Variants in FRAS1 observed in about 807,000 individuals in gnomAD.
FRAS1 encodes the protein Fraser extracellular matrix complex subunit 1.
Under a neutral mutation model 435.2 loss-of-function variants are expected in FRAS1, and 290 were observed. The observed-to-expected ratio is 0.67, with a 90% CI of 0.61 to 0.73. The LOEUF is 0.73. Ranked by LOEUF, FRAS1 falls within the 30% of genes least tolerant of loss-of-function variation. FRAS1 has a pLI of 0.00. For missense variants in FRAS1, 4,860 were observed against 5,001.5 expected, an observed-to-expected ratio of 0.97 and a Z score of 0.85; for synonymous variants, 1,800 against 1,851.0, an observed-to-expected ratio of 0.97 and a Z score of 0.71.
intron 67 of FRAS1, among the ~76,000 whole-genome samples, chr4:78,520,642 A>C (rs1026458548): frequency 6.6e-6 from 1 of 151,194 alleles, no homozygotes; most frequent in African/African-American, 2.4e-5. Flanking sequence ...TGCATATGCT[A>C]TATAAATAGT....
rs149879392 is a variant in FRAS1, at chr4:78,062,527, T to C, written c.77-3458T>C. Among the ~76,000 whole-genome samples, 234 of 152,294 alleles carry C rather than the reference T, an allele frequency of 1.5e-3. 1 individual carries two copies. The highest frequency in any genetic ancestry group is 5.3e-3 in the African/African-American group (221 of 41,554). ...ATGGTTGTATCTGCCACTATTTCTT[T>C]GAACTAATGGGTCTGACATTTTGTG... On this transcript the variant is annotated intron_variant, in intron 1 of 73. Transcript: ENST00000512123.
chr4:78,195,770 C>T (rs986413199), intron 2 of FRAS1, among the ~76,000 whole-genome samples: 28 of 152,204 alleles, frequency 1.8e-4, no homozygotes, highest in Non-Finnish European at 3.4e-4. Context: ...CAGTGCGCTG[C>T]ACCCACTGTC....
At chr4:78,452,000 G>A (rs1468388249) in intron 46 of FRAS1, 109 bp downstream of exon 46, 8 of 1,310,352 alleles carry the variant, frequency 6.1e-6, no homozygotes, top group Admixed American at 2.4e-5. Context: ...TACCTAGCTG[G>A]TGTGGAAACT....
intron 44 of FRAS1, among the ~76,000 whole-genome samples, chr4:78,449,806 A>C (rs1358470192): frequency 6.6e-6 from 1 of 152,222 alleles, no homozygotes; most frequent in African/African-American, 2.4e-5. Flanking sequence ...AGGTTTCATC[A>C]TAGATCTAGG....
intron 2 of FRAS1, among the ~76,000 whole-genome samples, chr4:78,136,404 G>A (rs976738695): frequency 1.3e-5 from 2 of 151,980 alleles, no homozygotes; most frequent in East Asian, 1.9e-4. Context: ...ATTAATTTGG[G>A]GCTTACAAAT....
intron 27 of FRAS1, among the ~76,000 whole-genome samples, chr4:78,383,429 A>G (rs866634708): frequency 3.2e-4 from 49 of 152,282 alleles, no homozygotes; most frequent in African/African-American, 1.1e-3. Context: ...CTTGTTCTAC[A>G]TAATAGACTC....
At chr4:78,101,789 G>A (rs545733127) in intron 2 of FRAS1, among the ~76,000 whole-genome samples, 4 of 152,282 alleles carry the variant, frequency 2.6e-5, no homozygotes, top group Admixed American at 6.5e-5. Context: ...ATTTTGACCT[G>A]ACATTCTGGC....
chr4:78,116,255 T>C (rs1035396668), intron 2 of FRAS1, among the ~76,000 whole-genome samples: 7 of 152,202 alleles, frequency 4.6e-5, no homozygotes, highest in Non-Finnish European at 1.0e-4. Context: ...TCCAACTATG[T>C]AGTCAATTTT....
chr4:78,317,211 GTTCT>G, intron 16 of FRAS1, among the ~76,000 whole-genome samples, 153 bp from the exon 17 acceptor site: 1 of 152,260 alleles, frequency 6.6e-6, no homozygotes, highest in African/African-American at 2.4e-5. Flanking sequence ...CATGTGGGCA[GTTCT>G]GGCAGTGTAA....
intron 54 of FRAS1, among the ~76,000 whole-genome samples, chr4:78,477,153 T>C (rs1417839175): frequency 6.6e-6 from 1 of 152,226 alleles, no homozygotes; most frequent in Non-Finnish European, 1.5e-5. Flanking sequence ...ACCTTGTTTA[T>C]AATGTAATTT....
At chr4:78,151,655 G>T (rs1038663924) in intron 2 of FRAS1, among the ~76,000 whole-genome samples, 1 of 152,130 alleles carries the variant, frequency 6.6e-6, no homozygotes, top group African/African-American at 2.4e-5. Flanking sequence ...CTCAGAATGT[G>T]CTATTATCTA....
intron 2 of FRAS1, among the ~76,000 whole-genome samples, chr4:78,202,164 G>A (rs928926565): frequency 3.9e-5 from 6 of 152,100 alleles, no homozygotes; most frequent in African/African-American, 1.2e-4. Flanking sequence ...ATAGTGTCAT[G>A]GTAGATTAAC....
rs2198635 is a variant in FRAS1, at chr4:78,267,007, G to A, written c.789+72G>A. 0.34 allele frequency: 364,047 copies of A among 1,062,204 alleles called. 63,241 individuals are homozygous for A. The highest frequency in any genetic ancestry group is 0.39 in the Admixed American group (16,901 of 42,862). The allele number at this position is 1,062,204 out of a possible 1,614,324, so 65.8% of individuals were successfully genotyped here. On this transcript the variant is annotated intron_variant, in intron 8 of 73. Transcript: ENST00000512123. ...ATTTAAGGAATGCACTTCTTATTCC[G>A]GTGTGTCCTTTGGGGGAATCAAAAG...
chr4:78,305,851 A>C (rs1728683846), intron 14 of FRAS1, among the ~76,000 whole-genome samples: 1 of 151,356 alleles, frequency 6.6e-6, no homozygotes, highest in Non-Finnish European at 1.5e-5. Flanking sequence ...TGGAGCATTT[A>C]GTCCATTTAC....
intron 2 of FRAS1, among the ~76,000 whole-genome samples, chr4:78,129,371 G>A (rs921885719): frequency 1.3e-5 from 2 of 152,204 alleles, no homozygotes; most frequent in African/African-American, 4.8e-5. Flanking sequence ...ATGTTGATTA[G>A]GCGATTGCAT....
chr4:78,414,599 C>G (rs925678813), intron 32 of FRAS1, among the ~76,000 whole-genome samples: 2 of 152,114 alleles, frequency 1.3e-5, no homozygotes, highest in Non-Finnish European at 2.9e-5. Flanking sequence ...GTCATTTAGT[C>G]TCATCTAATA....
intron 9 of FRAS1, among the ~76,000 whole-genome samples, chr4:78,275,162 G>A (rs190918016): frequency 6.6e-6 from 1 of 152,006 alleles, no homozygotes; most frequent in South Asian, 2.1e-4. Context: ...TTTTCCATTT[G>A]CTTGGTAGAT....
At chr4:78,521,806 C>T (rs1560424908) in intron 68 of FRAS1, among the ~76,000 whole-genome samples, 176 bp downstream of exon 68, 1 of 152,172 alleles carries the variant, frequency 6.6e-6, no homozygotes, top group Admixed American at 6.5e-5. Context: ...CGTTCAGAAA[C>T]AAGTTGCAGA....
At chr4:78,485,943 T>C (rs1334408171) in intron 58 of FRAS1, among the ~76,000 whole-genome samples, 1 of 152,214 alleles carries the variant, frequency 6.6e-6, no homozygotes, top group East Asian at 1.9e-4. Context: ...CTTTTCCCAC[T>C]AGGCTGATTT....
Sources: allele counts gnomAD v4.1 joint callset (sites outside exome capture counted in the v4.1 genomes callset), GRCh38; gene constraint gnomAD v4.1.1; transcripts MANE v1.5; gene names NCBI Gene and HGNC (gene_info 2026-07-23, HGNC 2026-07-21).